The following TPRX1 variants were observed in gnomAD, a reference collection of about 807,000 sequenced individuals.
TPRX1 encodes the protein tetrapeptide repeat homeobox 1, also known as tetra-peptide repeat homeobox protein 1.
Under a neutral mutation model 8.1 loss-of-function variants are expected in TPRX1, and 2 were observed. That is an observed-to-expected ratio of 0.25 (90% CI 0.10 to 0.78). The LOEUF (loss-of-function observed/expected upper bound fraction) is 0.78, where lower values mean the gene tolerates loss of function less well. TPRX1 is among the 30% of genes least tolerant of loss of function. TPRX1 has a pLI of 0.70. For synonymous variants in TPRX1, 257 were observed against 254.1 expected, an observed-to-expected ratio of 1.01 and a Z score of -0.11; for missense variants, 517 against 586.9, an observed-to-expected ratio of 0.88 and a Z score of 1.23.
Position 47,802,983 on chromosome 19 carries a change from G to T in TPRX1, c.322-3C>A, listed in dbSNP as rs770630709. 12 of 1,540,944 alleles carry T rather than the reference G, an allele frequency of 7.8e-6. No individual in the cohort carries two copies. The highest frequency in any genetic ancestry group is 1.4e-5 in the African/African-American group (1 of 73,904). ...GCGCGGCGATTCTTGAACCACACCT[G>T]GGGGGCAGAGGGGACAGGGAGAAGG... On this transcript the variant is annotated splice_polypyrimidine_tract_variant and splice_region_variant and intron_variant, in intron 3 of 3. Transcript: ENST00000535759.
chr19:47,818,474 G>A, exon 2 of TPRX1: 1 of 455,962 alleles, frequency 2.2e-6, no homozygotes, highest in South Asian at 1.5e-5. Flanking sequence ...TTACTGCTGT[G>A]TGTCTGGGAC....
intron 2 of TPRX1, among the ~76,000 whole-genome samples, chr19:47,804,207 ACGACC>A (rs1436616686): frequency 2.0e-5 from 3 of 150,586 alleles, no homozygotes; most frequent in Admixed American, 1.3e-4. Context: ...GGTGTGCACC[ACGACC>A]CCTGGGTAAT....
At chr19:47,805,860 GGCA>G (rs1428866288) in intron 2 of TPRX1, among the ~76,000 whole-genome samples, 1 of 152,094 alleles carries the variant, frequency 6.6e-6, no homozygotes, top group Non-Finnish European at 1.5e-5. Context: ...GCAAGTTCAC[GGCA>G]GCATGATTCA....
At chr19:47,816,697 T>TA (rs778947696) in intron 2 of TPRX1, among the ~76,000 whole-genome samples, 2 of 150,842 alleles carry the variant, frequency 1.3e-5, no homozygotes, top group Non-Finnish European at 3.0e-5. Context: ...CACGCCCGGC[T>TA]ATTTTTTGTA....
chr19:47,801,589 A>G, exon 4 of TPRX1: 1 of 679,506 alleles, frequency 1.5e-6, no homozygotes, highest in Non-Finnish European at 2.4e-6. Flanking sequence ...CTCAGGCTCA[A>G]TTCAAATGAC....
At chr19:47,806,836 C>T (rs866495594) in intron 2 of TPRX1, among the ~76,000 whole-genome samples, 5 of 151,704 alleles carry the variant, frequency 3.3e-5, no homozygotes, top group Middle Eastern at 3.2e-3. Flanking sequence ...CTATTGGGGA[C>T]GGTGAAAAAT....
intron 2 of TPRX1, among the ~76,000 whole-genome samples, chr19:47,814,672 G>C (rs1299305025): frequency 6.6e-6 from 1 of 152,110 alleles, no homozygotes; most frequent in Admixed American, 6.5e-5. Flanking sequence ...AGCTGGGAAT[G>C]TTTTGGAAGG....
rs1464197714 is a variant in TPRX1 at position 47,810,411 on chromosome 19, G to A, written c.152-6738C>T. Among the ~76,000 whole-genome samples, 9 of 129,862 alleles carry A rather than the reference G, an allele frequency of 6.9e-5. No homozygotes were observed. The South Asian group carries it at 1.1e-3, about 15-fold the overall frequency. 85.2% of individuals were successfully genotyped at this position (129,862 alleles called of 152,430 possible). A position where few individuals can be genotyped will look rare whatever the true frequency, so the allele number is the denominator to read the frequency against. ...TCGCCCAGGCTGGAGTGCAGTGGCC[G>A]GATCTTGGCTCACTGCAACCTCTGC... On this transcript the variant is annotated intron_variant, in intron 2 of 3. Transcript: ENST00000535759.
intron 2 of TPRX1, among the ~76,000 whole-genome samples, chr19:47,812,740 G>A (rs889126939): frequency 1.3e-5 from 2 of 151,814 alleles, no homozygotes; most frequent in African/African-American, 4.8e-5. Flanking sequence ...AAGGTTAAGT[G>A]AGAAACACTG....
chr19:47,815,125 T>TATATATGTATATATGCAA (rs1555800016), intron 2 of TPRX1, among the ~76,000 whole-genome samples: 1 of 97,430 alleles, frequency 1.0e-5, no homozygotes, highest in Non-Finnish European at 2.1e-5. Flanking sequence ...TATATATATA[T>TATATATGTATATATGCAA]ATATATATAT....
intron 2 of TPRX1, among the ~76,000 whole-genome samples, chr19:47,810,342 C>CA (rs1967771385): frequency 7.6e-6 from 1 of 132,308 alleles, no homozygotes; most frequent in Non-Finnish European, 1.6e-5. Context: ...CCTTATCCAT[C>CA]AATTTTTTTT....
intron 2 of TPRX1, among the ~76,000 whole-genome samples, chr19:47,810,646 T>C (rs990462797): frequency 3.2e-4 from 49 of 151,944 alleles, no homozygotes; most frequent in African/African-American, 2.4e-4. Context: ...CTTCCATCAA[T>C]TCTTCAATCT....
chr19:47,816,271 T>G (rs991025723), intron 2 of TPRX1, among the ~76,000 whole-genome samples: 1 of 152,092 alleles, frequency 6.6e-6, no homozygotes, highest in African/African-American at 2.4e-5. Flanking sequence ...TTTTGCCATG[T>G]GGGCCAGGCT....
At chr19:47,816,773 C>G (rs985466254) in intron 2 of TPRX1, among the ~76,000 whole-genome samples, 1 of 152,038 alleles carries the variant, frequency 6.6e-6, no homozygotes, top group African/African-American at 2.4e-5. Context: ...ACCTCGTGAT[C>G]TGCCCGCCTT....
At chr19:47,805,342 G>A (rs575979003) in intron 2 of TPRX1, among the ~76,000 whole-genome samples, 1 of 152,236 alleles carries the variant, frequency 6.6e-6, no homozygotes, top group Non-Finnish European at 1.5e-5. Context: ...GGGGGCACAG[G>A]TCTGATGGAC....
chr19:47,813,847 G>T (rs1967807075), intron 2 of TPRX1, among the ~76,000 whole-genome samples: 1 of 151,782 alleles, frequency 6.6e-6, no homozygotes. Flanking sequence ...CTAGGACAGG[G>T]TGAGAGAGGC....
In TPRX1 at chr19:47,802,405, C is replaced by G. The variant is rs116460612; in HGVS notation, c.897G>C (p.Pro299=). 4,490 of 1,178,230 alleles carry G rather than the reference C, an allele frequency of 3.8e-3. 142 individuals are homozygous for G. The African/African-American group carries it at 0.08, about 21-fold the overall frequency. 73.0% of individuals were successfully genotyped at this position (1,178,230 alleles called of 1,614,324 possible). A position where few individuals can be genotyped will look rare whatever the true frequency, so the allele number is the denominator to read the frequency against. ...TTGGGCCTGGGATCGGGCCTGGGAT[C>G]GGGACTGAGATTGGGCCTGGGATCG... is the stretch of plus-strand genomic sequence containing the variant. Residue 299 remains proline (P), a synonymous_variant, in exon 4 of 4, where the codon CCG becomes CCC. Transcript: ENST00000535759.
intron 1 of TPRX1, among the ~76,000 whole-genome samples, chr19:47,818,792 G>C (rs1295500472): frequency 6.6e-6 from 1 of 152,046 alleles, no homozygotes; most frequent in South Asian, 2.1e-4. Context: ...TGTGCACAAC[G>C]TGCAGGTTTG....
At chr19:47,810,480 C>T (rs1033916030) in intron 2 of TPRX1, among the ~76,000 whole-genome samples, 1 of 149,666 alleles carries the variant, frequency 6.7e-6, no homozygotes, top group African/African-American at 2.5e-5. Context: ...TCCTGAGTAG[C>T]TGGGATTACA....
Sources: gnomAD v4.1 joint callset for allele counts (sites outside exome capture counted in the v4.1 genomes callset) on GRCh38, gnomAD v4.1.1 for gene constraint, MANE v1.5 for transcripts, NCBI Gene and HGNC (gene_info 2026-07-23, HGNC 2026-07-21) for gene names.